Variants in ATP2B1 observed in about 807,000 individuals in gnomAD.
ATP2B1 encodes ATPase plasma membrane Ca2+ transporting 1, also known as plasma membrane calcium-transporting ATPase 1.
A neutral mutation model predicts 124.2 loss-of-function variants in ATP2B1; 14 were observed. That is an observed-to-expected ratio of 0.11 (90% CI 0.07 to 0.18). The LOEUF is 0.18. Ranked by LOEUF, ATP2B1 falls within the 10% of genes least tolerant of loss-of-function variation. The probability of loss-of-function intolerance (pLI) is 1.00; values close to 1 mark genes in which losing one functional copy is unlikely to be tolerated. For missense variants in ATP2B1, 763 were observed against 1,466.1 expected (o/e 0.52, Z 7.83); for synonymous variants, 449 against 492.4 (o/e 0.91, Z 1.17).
chr12:89,691,079 A>AG (rs1424778257), intron 1 of ATP2B1, among the ~76,000 whole-genome samples: 1 of 152,170 alleles, frequency 6.6e-6, no homozygotes, highest in Non-Finnish European at 1.5e-5. Context: ...AACTGTGTAC[A>AG]GCAGAAAGAG....
At position 89,635,237 on chromosome 12, in the gene ATP2B1, A is replaced by C; in HGVS notation, c.421T>G (p.Ser141Ala). ...EGDNALCGEV[S>A]VGEEEGEGET... ...CCTTCACCTTCTTCCTCCCCAACAG[A>C]AACTTCTCCACAAACTATTTGGAAA... Residue 141 changes from serine to alanine, a missense_variant, in exon 4 of 21, where the codon TCT becomes GCT. Coordinates refer to ENST00000428670, the MANE Select transcript of ATP2B1 (RefSeq NM_001366521.1). 1.2e-6 allele frequency: 2 copies of C among 1,612,232 alleles called. No homozygotes were observed. The highest frequency in any genetic ancestry group is 2.2e-5 in the South Asian group (2 of 91,014).
chr12:89,610,608 A>G lies in ATP2B1; in HGVS notation c.2248-100T>C, dbSNP rs1877810597. The G allele has an allele frequency of 3.1e-6, 3 of 973,602 alleles. No homozygotes were observed. The Admixed American group carries it at 5.7e-5, about 19-fold the overall frequency. The allele number at this position is 973,602 out of a possible 1,614,324, so 60.3% of individuals were successfully genotyped here. A position where few individuals can be genotyped will look rare whatever the true frequency, so the allele number is the denominator to read the frequency against. On this transcript the variant is annotated intron_variant, in intron 13 of 20. Transcript: ENST00000428670. Reference sequence around the variant, plus strand: ...ATCAGTAGCTCTCAAAGTGTGGTCCACAGAACAATCAGAAACTCCTGGGAA... The same window carrying G: ...ATCAGTAGCTCTCAAAGTGTGGTCCGCAGAACAATCAGAAACTCCTGGGAA...
At chr12:89,636,014 A>G (rs1400408805) in intron 3 of ATP2B1, among the ~76,000 whole-genome samples, 2 of 152,192 alleles carry the variant, frequency 1.3e-5, no homozygotes, top group Non-Finnish European at 2.9e-5. Context: ...GACAAGTGCC[A>G]TGAAGAAAAA....
chr12:89,678,181 A>C (rs1470121625), intron 1 of ATP2B1, among the ~76,000 whole-genome samples: 1 of 152,012 alleles, frequency 6.6e-6, no homozygotes, highest in Non-Finnish European at 1.5e-5. Flanking sequence ...AAAGATGCGT[A>C]ACATACTGCC....
chr12:89,706,988 T>C lies in ATP2B1; in HGVS notation c.-222+1608A>G, dbSNP rs986289821. Among the ~76,000 whole-genome samples, 19 of 150,198 alleles carry C rather than the reference T, an allele frequency of 1.3e-4. No homozygotes were observed. The East Asian group carries it at 3.5e-3, about 28-fold the overall frequency. ...CTGAAATCATAGCTAAATAAGCCCATTTCATATACTAGCTATCAAAGGTTC... is the reference window on the plus strand; with the variant it reads ...CTGAAATCATAGCTAAATAAGCCCACTTCATATACTAGCTATCAAAGGTTC... On this transcript the variant is annotated intron_variant, in intron 1 of 20. Coordinates refer to ENST00000428670, the MANE Select transcript of ATP2B1 (RefSeq NM_001366521.1).
chr12:89,621,371 T>C (rs1040044934), intron 10 of ATP2B1, among the ~76,000 whole-genome samples, 178 bp downstream of exon 10: 1 of 152,106 alleles, frequency 6.6e-6, no homozygotes, highest in African/African-American at 2.4e-5. Flanking sequence ...AATGTTTATG[T>C]TGATCAGCAG....
At chr12:89,661,857 T>C (rs1886736168) in intron 1 of ATP2B1, among the ~76,000 whole-genome samples, 1 of 152,210 alleles carries the variant, frequency 6.6e-6, no homozygotes, top group African/African-American at 2.4e-5. Context: ...CTCACTGTGG[T>C]TGCTATTGGC....
At chr12:89,700,403 A>C (rs1190487847) in intron 1 of ATP2B1, among the ~76,000 whole-genome samples, 1 of 152,132 alleles carries the variant, frequency 6.6e-6, no homozygotes, top group Non-Finnish European at 1.5e-5. Context: ...GAGTGTCCAC[A>C]CTTAAGTACC....
chr12:89,655,918 T>C lies in ATP2B1; in HGVS notation c.-32A>G. The C allele has an allele frequency of 2.0e-6, 3 of 1,521,604 alleles. No homozygotes were observed. Among genetic ancestry groups the C allele is most frequent in the Non-Finnish European group, 2.6e-6 (3 of 1,132,912 alleles). The allele number at this position is 1,521,604 out of a possible 1,614,324, so 94.3% of individuals were successfully genotyped here. ...TATAATATATCAGAAGGAAAATGTTTCCCAAAAGAATTTAATTTTCACTTG... is the reference window on the plus strand; with the variant it reads ...TATAATATATCAGAAGGAAAATGTTCCCCAAAAGAATTTAATTTTCACTTG... On this transcript the variant is annotated 5_prime_UTR_variant, in exon 2 of 21. Transcript: ENST00000428670.
intron 20 of ATP2B1, among the ~76,000 whole-genome samples, chr12:89,592,738 T>C (rs1873824175): frequency 6.6e-6 from 1 of 152,068 alleles, no homozygotes; most frequent in Admixed American, 6.6e-5. Context: ...GGGGTTGTTG[T>C]GGGAGATTAA....
At chr12:89,684,749 A>G (rs563915588) in intron 1 of ATP2B1, among the ~76,000 whole-genome samples, 1 of 152,250 alleles carries the variant, frequency 6.6e-6, no homozygotes, top group South Asian at 2.1e-4. Flanking sequence ...ACCATTTGAG[A>G]TTGGACAGCG....
chr12:89,700,953 G>A (rs914093404), intron 1 of ATP2B1, among the ~76,000 whole-genome samples: 1 of 152,266 alleles, frequency 6.6e-6, no homozygotes, highest in East Asian at 1.9e-4. Context: ...AAATATAACA[G>A]CTTACATACT....
At chr12:89,683,940 A>T (rs559515794) in intron 1 of ATP2B1, among the ~76,000 whole-genome samples, 84 of 152,318 alleles carry the variant, frequency 5.5e-4, no homozygotes, top group Non-Finnish European at 1.0e-3. Flanking sequence ...AATGCTGGAA[A>T]CTACTTGAAT....
At chr12:89,616,649 G>C (rs1879022542) in intron 12 of ATP2B1, among the ~76,000 whole-genome samples, 153 bp downstream of exon 12, 1 of 151,914 alleles carries the variant, frequency 6.6e-6, no homozygotes, top group Non-Finnish European at 1.5e-5. Context: ...CATATGCACT[G>C]TAGGTACTAT....
intron 20 of ATP2B1, 83 bp downstream of exon 20, chr12:89,599,034 T>C (rs1287978392): frequency 3.4e-6 from 5 of 1,481,738 alleles, no homozygotes; most frequent in Non-Finnish European, 4.6e-6. Context: ...GAGAGGAAGT[T>C]TAAGGAGCAC....
rs1879994049 is a variant in ATP2B1, at chr12:89,621,771, G to T, written c.1365C>A (p.Asn455Lys). The T allele has an allele frequency of 1.9e-6, 3 of 1,551,264 alleles. No homozygotes were observed. Among genetic ancestry groups the T allele is most frequent in the Non-Finnish European group, 8.7e-7 (1 of 1,152,674 alleles). Reference protein sequence around the residue: ...YSVKKMMKDNNLVRHLDACET... With the variant: ...YSVKKMMKDNKLVRHLDACET... ...CACAAGCATCCAGATGCCTTACTAAGTTATTATCTTTCATCATTTTCTACA... is the reference window on the plus strand; with the variant it reads ...CACAAGCATCCAGATGCCTTACTAATTTATTATCTTTCATCATTTTCTACA... Residue 455 changes from asparagine (N) to lysine (K), a missense_variant, in exon 10 of 21, where the codon AAC becomes AAA. Asn to Lys is a moderately conservative substitution (Grantham distance 94). Around this residue, in one of 7 missense-constraint regions of ATP2B1, gnomAD observed 392 missense variants for 776.6 expected, o/e 0.50. Coordinates refer to ENST00000428670, the MANE Select transcript of ATP2B1 (RefSeq NM_001366521.1).
At chr12:89,642,689 C>G (rs1306164473) in intron 2 of ATP2B1, among the ~76,000 whole-genome samples, 1 of 151,086 alleles carries the variant, frequency 6.6e-6, no homozygotes, top group Non-Finnish European at 1.5e-5. Flanking sequence ...ACTGCAACCT[C>G]TGCCTCCCAG....
At chr12:89,601,862 G>A (rs1304044545) in intron 18 of ATP2B1, among the ~76,000 whole-genome samples, 2 of 152,064 alleles carry the variant, frequency 1.3e-5, no homozygotes, top group African/African-American at 4.8e-5. Context: ...AGAAAAGACT[G>A]TATGTTACTG....
chr12:89,696,984 AGTTTT>A (rs1891207701), intron 1 of ATP2B1, among the ~76,000 whole-genome samples: 1 of 147,576 alleles, frequency 6.8e-6, no homozygotes, highest in Non-Finnish European at 1.5e-5. Context: ...AAAGAACATT[AGTTTT>A]GTTTTTTTTT....
Sources: allele counts gnomAD v4.1 joint callset (sites outside exome capture counted in the v4.1 genomes callset), GRCh38; gene constraint gnomAD v4.1.1; regional missense constraint gnomAD v4.1.1; transcripts MANE v1.5; gene names NCBI Gene and HGNC (gene_info 2026-07-23, HGNC 2026-07-21).